Variants in HIPK4 observed in about 807,000 individuals in gnomAD.
HIPK4 encodes homeodomain-interacting protein kinase 4.
In HIPK4, 26 loss-of-function variants were observed where a neutral mutation model predicts 44.8. The ratio of observed to expected loss-of-function variants is 0.58; its 90% CI spans 0.43 to 0.80. The LOEUF is 0.80. HIPK4 is among the 30% of genes least tolerant of loss of function. The probability of loss-of-function intolerance (pLI) is 0.00; values close to 1 mark genes in which losing one functional copy is unlikely to be tolerated. For missense variants in HIPK4, 729 were observed against 862.6 expected, an observed-to-expected ratio of 0.85 and a Z score of 1.94; for synonymous variants, 340 against 355.5, an observed-to-expected ratio of 0.96 and a Z score of 0.49.
rs2079334701 is a variant in HIPK4, at chr19:40,381,148, G to A, written c.843C>T (p.Arg281=). ...GGTCCAACGACTTGAGCATATACTTGCGGCGCTCCAATGGGCGCACCTGGC... is the reference window on the plus strand; with the variant it reads ...GGTCCAACGACTTGAGCATATACTTACGGCGCTCCAATGGGCGCACCTGGC... ...AETKVRPLER[R]KYMLKSLDQI... The change falls in exon 3 of 4, where the codon CGC becomes CGT. Residue 281 remains arginine (R), a synonymous_variant. Coordinates refer to ENST00000291823, the MANE Select transcript of HIPK4 (RefSeq NM_144685.5). 6.3e-7 allele frequency: 1 copy of A among 1,599,658 alleles called. No individual in the cohort carries two copies. The highest frequency in any genetic ancestry group is 1.7e-5 in the Admixed American group (1 of 59,942).
Position 40,380,359 on chromosome 19 carries a change from ATCC to A in HIPK4, c.1629_1631del (p.Glu543del), listed in dbSNP as rs1263932776. The A allele has an allele frequency of 2.5e-6, 4 of 1,614,022 alleles. No homozygotes were observed. The highest frequency in any genetic ancestry group is 3.4e-6 in the Non-Finnish European group (4 of 1,180,028). On this transcript the variant is annotated inframe_deletion, in exon 3 of 4. Coordinates refer to ENST00000291823, the MANE Select transcript of HIPK4 (RefSeq NM_144685.5). The surrounding 1 kb of genome is among the most constrained non-coding windows in gnomAD (Gnocchi z 4.2). ...TGGTCATGTTGTCAATGTTGGGCCC[ATCC>A]TCATCTCGCTGCAGGATGGCCAGTG...
chr19:40,387,552 T>G (rs1233455012), intron 1 of HIPK4, among the ~76,000 whole-genome samples: 1 of 152,030 alleles, frequency 6.6e-6, no homozygotes, highest in Non-Finnish European at 1.5e-5. Context: ...CTCGGCTCAC[T>G]GCAACCTCCG....
chr19:40,380,654 C>G lies in HIPK4; in HGVS notation c.1337G>C (p.Cys446Ser). The change falls in exon 3 of 4, where the codon TGC (cysteine) becomes TCC (serine). Residue 446 changes from cysteine to serine, a missense_variant. This residue lies in a region of HIPK4 where 533 missense variants were observed against 567.5 expected (regional missense o/e 0.94). Transcript: ENST00000291823. This position sits in a 1 kb window ranked among gnomAD's most constrained non-coding sequence, Gnocchi z 4.2. ...CATCATGTCGGAGACCGCATTGGTG[C>G]AGGTCTCACCCCACAGCCCATGCCC... The part of the protein sequence containing the change: ...EAGHGLWGET[C>S]TNAVSDMMVP... 6.2e-7 allele frequency: 1 copy of G among 1,613,904 alleles called. No homozygotes were observed. Among genetic ancestry groups the G allele is most frequent in the Non-Finnish European group, 8.5e-7 (1 of 1,179,930 alleles).
intron 1 of HIPK4, among the ~76,000 whole-genome samples, chr19:40,385,983 GC>G: frequency 6.6e-6 from 1 of 151,414 alleles, no homozygotes; most frequent in Non-Finnish European, 1.5e-5. Flanking sequence ...GCTAGGACAG[GC>G]GTGAGCCACC....
rs144600040 is a variant in HIPK4, at chr19:40,381,095, A to G, written c.896T>C (p.Val299Ala). Residue 299 changes from valine to alanine, a missense_variant, in exon 3 of 4, where the codon GTG becomes GCG. Coordinates refer to ENST00000291823, the MANE Select transcript of HIPK4 (RefSeq NM_144685.5). Reference protein sequence around the residue: ...DQIETVNGGSVASRLTFPDRE... With the variant: ...DQIETVNGGSAASRLTFPDRE... ...GTCAGGGAAGGTTAGCCGACTGGCC[A>G]CACTGCCACCATTCACTGTCTCAAT... is the stretch of plus-strand genomic sequence containing the variant. 2 of 1,611,734 alleles carry G rather than the reference A, an allele frequency of 1.2e-6. No homozygotes were observed. Among genetic ancestry groups the G allele is most frequent in the South Asian group, 2.2e-5 (2 of 91,084 alleles).
intron 1 of HIPK4, among the ~76,000 whole-genome samples, chr19:40,388,240 A>C (rs1599645969): frequency 6.8e-6 from 1 of 147,544 alleles, no homozygotes; most frequent in Non-Finnish European, 1.5e-5. Context: ...CTGGTCTTGA[A>C]CTCCTGACCT....
Position 40,389,338 on chromosome 19 carries a change from T to C in HIPK4, c.465+100A>G, listed in dbSNP as rs1282326833. ...AACTCCGTCTCAAAAATAATAATAA[T>C]AATAATTTTAAAAAATTAAAAAAAA... On this transcript the variant is annotated intron_variant, in intron 1 of 3. Transcript: ENST00000291823. This position sits in a 1 kb window ranked among gnomAD's most constrained non-coding sequence, Gnocchi z 4.6. The C allele has an allele frequency of 3.4e-5, 18 of 526,108 alleles. No individual in the cohort carries two copies. In the East Asian group the frequency reaches 6.6e-4, roughly 19 times the overall value. The allele number at this position is 526,108 out of a possible 1,614,324, so 32.6% of individuals were successfully genotyped here.
chr19:40,389,964 G>A lies in HIPK4; in HGVS notation c.-62C>T. 1.5e-6 allele frequency: 2 copies of A among 1,349,144 alleles called. No homozygotes were observed. The highest frequency in any genetic ancestry group is 2.0e-6 in the Non-Finnish European group (2 of 979,392). The allele number at this position is 1,349,144 out of a possible 1,614,324, so 83.6% of individuals were successfully genotyped here. ...CCTGTACCACTGGCTCTGCCGCCCAGGCCTCCCGCCTGGCTGCTGACACAG... is the reference window on the plus strand; with the variant it reads ...CCTGTACCACTGGCTCTGCCGCCCAAGCCTCCCGCCTGGCTGCTGACACAG... On this transcript the variant is annotated 5_prime_UTR_variant, in exon 1 of 4. Coordinates refer to ENST00000291823, the MANE Select transcript of HIPK4 (RefSeq NM_144685.5). The surrounding 1 kb of genome is among the most constrained non-coding windows in gnomAD (Gnocchi z 4.6).
chr19:40,383,912 C>T lies in HIPK4; in HGVS notation c.693G>A (p.Gln231=). 6.2e-7 allele frequency: 1 copy of T among 1,614,132 alleles called. No homozygotes were observed. Among genetic ancestry groups the T allele is most frequent in the Non-Finnish European group, 8.5e-7 (1 of 1,180,018 alleles). The change falls in exon 2 of 4, where the codon CAG becomes CAA. Residue 231 remains glutamine, a synonymous_variant. Coordinates refer to ENST00000291823, the MANE Select transcript of HIPK4 (RefSeq NM_144685.5). ...YDQVRYICET[Q]GLPKPHLLHA... is the part of the protein sequence containing the mutation. ...GCAACAGGTGTGGCTTGGGCAGGCC[C>T]TGGGTTTCGCAGATGTAGCGCACCT...
rs545248598 is a variant in HIPK4, at chr19:40,381,173, C to T, written c.823-5G>A. On this transcript the variant is annotated splice_region_variant and splice_polypyrimidine_tract_variant and intron_variant, in intron 2 of 3. Transcript: ENST00000291823. ...GCGGCGCTCCAATGGGCGCACCTGG[C>T]GGGGCATGGAGAAGGGGGCAGGGTT... 49 of 1,588,386 alleles carry T rather than the reference C, an allele frequency of 3.1e-5. No individual in the cohort carries two copies. In the South Asian group the frequency reaches 4.0e-4, roughly 13 times the overall value.
At position 40,381,092 on chromosome 19, in the gene HIPK4, G is replaced by T. The variant is rs752178632; in HGVS notation, c.899C>A (p.Ala300Asp). 1.7e-5 allele frequency: 27 copies of T among 1,611,604 alleles called. No homozygotes were observed. In the African/African-American group the frequency reaches 2.0e-4, roughly 12 times the overall value. The stretch of plus-strand genomic sequence containing the variant: ...CCGGTCAGGGAAGGTTAGCCGACTG[G>T]CCACACTGCCACCATTCACTGTCTC... ...QIETVNGGSV[A>D]SRLTFPDREA... Residue 300 changes from alanine to aspartate, a missense_variant, in exon 3 of 4, where the codon GCC (alanine) becomes GAC (aspartate). Ala to Asp is a moderately radical substitution (Grantham distance 126). Around this residue, in one of 2 missense-constraint regions of HIPK4, gnomAD observed 533 missense variants for 567.5 expected, o/e 0.94. Coordinates refer to ENST00000291823, the MANE Select transcript of HIPK4 (RefSeq NM_144685.5).
Position 40,379,703 on chromosome 19 carries a change from T to G in HIPK4, c.1735A>C (p.Thr579Pro). 1 of 1,606,538 alleles carries G rather than the reference T, an allele frequency of 6.2e-7. No homozygotes were observed. The highest frequency in any genetic ancestry group is 8.5e-7 in the Non-Finnish European group (1 of 1,177,730). Residue 579 changes from threonine to proline, a missense_variant, in exon 4 of 4, where the codon ACC becomes CCC. By Grantham distance (38) the Thr-to-Pro change is conservative. This residue lies in a region of HIPK4 where 533 missense variants were observed against 567.5 expected (regional missense o/e 0.94). Transcript: ENST00000291823. ...PGEWLSEPDCTLESVRGPRAQ... is the reference protein window; with the variant it reads ...PGEWLSEPDCPLESVRGPRAQ... ...CGTGGGCCCCTGACGCTCTCCAGGG[T>G]GCAGTCTGGCTCACTCAGCCATTCT...
Position 40,379,726 on chromosome 19 carries a change from T to A in HIPK4, c.1712A>T (p.Glu571Val). ...GGTGCAGTCTGGCTCACTCAGCCAT[T>A]CTCCAGGACAGCTGCTGGGGTCGAA... ...ELFDPSSCPG[E>V]WLSEPDCTLE... The change falls in exon 4 of 4, where the codon GAA becomes GTA. Residue 571 changes from glutamate to valine, a missense_variant. Coordinates refer to ENST00000291823, the MANE Select transcript of HIPK4 (RefSeq NM_144685.5). 3 of 1,611,518 alleles carry A rather than the reference T, an allele frequency of 1.9e-6. No individual in the cohort carries two copies. The highest frequency in any genetic ancestry group is 2.5e-6 in the Non-Finnish European group (3 of 1,179,300).
chr19:40,384,178 G>A, intron 1 of HIPK4, 39 bp from the exon 2 acceptor site: 1 of 1,513,030 alleles, frequency 6.6e-7, no homozygotes, highest in Non-Finnish European at 9.0e-7. Context: ...GGCAGGTCAA[G>A]CAGCAGGGAC....
chr19:40,380,747 C>A lies in HIPK4; in HGVS notation c.1244G>T (p.Arg415Leu), dbSNP rs770960175. The change falls in exon 3 of 4, where the codon CGA (arginine) becomes CTA (leucine). Residue 415 changes from arginine (R) to leucine (L), a missense_variant. Transcript: ENST00000291823. The surrounding 1 kb of genome is among the most constrained non-coding windows in gnomAD (Gnocchi z 4.2). ...TTGCATACCTGGTGCCTTCTCCTCT[C>A]GGAAGAAGGGGCTGCTGCCGGCCAC... is the stretch of plus-strand genomic sequence containing the variant. ...GSVAGSSPFF[R>L]EEKAPGMQRA... 10 of 1,614,168 alleles carry A rather than the reference C, an allele frequency of 6.2e-6. No individual in the cohort carries two copies. The highest frequency in any genetic ancestry group is 3.3e-5 in the Admixed American group (2 of 60,028).
chr19:40,383,081 CTT>C (rs71171564), intron 2 of HIPK4, among the ~76,000 whole-genome samples: 98 of 78,618 alleles, frequency 1.2e-3, no homozygotes, highest in East Asian at 3.5e-3. Context: ...TCTTTTCTTT[CTT>C]TTTTTTTTTT....
chr19:40,384,295 T>C (rs2079352802), intron 1 of HIPK4, among the ~76,000 whole-genome samples, 156 bp from the exon 2 acceptor site: 1 of 149,058 alleles, frequency 6.7e-6, no homozygotes, highest in Admixed American at 6.6e-5. Flanking sequence ...TTGTTGGTTT[T>C]TGTTTGTTTG....
chr19:40,389,052 G>A lies in HIPK4; in HGVS notation c.465+386C>T, dbSNP rs931417468. 1.3e-5 allele frequency among the ~76,000 whole-genome samples: 2 copies of A among 151,944 alleles called. No homozygotes were observed. The highest frequency in any genetic ancestry group is 2.9e-5 in the Non-Finnish European group (2 of 68,002). On this transcript the variant is annotated intron_variant, in intron 1 of 3. Coordinates refer to ENST00000291823, the MANE Select transcript of HIPK4 (RefSeq NM_144685.5). The surrounding 1 kb of genome is among the most constrained non-coding windows in gnomAD (Gnocchi z 4.6). ...CAAAAATTAGCCGGGCATGGGTGGC[G>A]GGCACCTGTATTCCCAGCTACTCAG...
chr19:40,380,498 T>A lies in HIPK4; in HGVS notation c.1493A>T (p.Asp498Val). 1 of 1,612,512 alleles carries A rather than the reference T, an allele frequency of 6.2e-7. No homozygotes were observed. The highest frequency in any genetic ancestry group is 8.5e-7 in the Non-Finnish European group (1 of 1,179,876). The change falls in exon 3 of 4, where the codon GAC becomes GTC. Residue 498 changes from aspartate (D) to valine (V), a missense_variant. Asp to Val is a radical substitution (Grantham distance 152, BLOSUM62 -3). Coordinates refer to ENST00000291823, the MANE Select transcript of HIPK4 (RefSeq NM_144685.5). The surrounding 1 kb of genome is among the most constrained non-coding windows in gnomAD (Gnocchi z 4.2). ...ARKPPAGSKS[D>V]SNFSNLIRLS... Reference sequence around the variant, plus strand: ...CCGAATGAGGTTGCTGAAGTTGGAGTCGGACTTGGAACCCGCAGGTGGCTT... The same window carrying A: ...CCGAATGAGGTTGCTGAAGTTGGAGACGGACTTGGAACCCGCAGGTGGCTT...
Sources: allele counts gnomAD v4.1 joint callset (sites outside exome capture counted in the v4.1 genomes callset), GRCh38; gene constraint gnomAD v4.1.1; regional missense constraint gnomAD v4.1.1; non-coding constraint Gnocchi (gnomAD v3.1); transcripts MANE v1.5; gene names NCBI Gene and HGNC (gene_info 2026-07-23, HGNC 2026-07-21).